Variants in PDGFC observed in about 807,000 individuals in gnomAD.
The protein encoded by PDGFC is platelet-derived growth factor C.
In PDGFC, 12 loss-of-function variants were observed where a neutral mutation model predicts 35.5. The ratio of observed to expected loss-of-function variants is 0.34; its 90% CI spans 0.22 to 0.55. The LOEUF is 0.55. Ranked by LOEUF, PDGFC falls within the 20% of genes least tolerant of loss-of-function variation. The probability of loss-of-function intolerance (pLI) is 0.91; values close to 1 mark genes in which losing one functional copy is unlikely to be tolerated. For synonymous variants in PDGFC, 159 were observed against 148.8 expected, an observed-to-expected ratio of 1.07 and a Z score of -0.50; for missense variants, 322 against 412.4, an observed-to-expected ratio of 0.78 and a Z score of 1.90.
intron 5 of PDGFC, among the ~76,000 whole-genome samples, chr4:156,764,463 GAC>G (rs1730464102): frequency 6.6e-6 from 1 of 152,144 alleles, no homozygotes; most frequent in Admixed American, 6.6e-5. Flanking sequence ...CAGAGTAAGT[GAC>G]ACAGCCTTTA....
intron 1 of PDGFC, among the ~76,000 whole-genome samples, chr4:156,970,401 T>C (rs1732563309): frequency 6.6e-6 from 1 of 152,120 alleles, no homozygotes; most frequent in Non-Finnish European, 1.5e-5. Context: ...CCGACCCCCC[T>C]CGCCCTCCCC....
chr4:156,816,947 A>G (rs1732104123), intron 2 of PDGFC, among the ~76,000 whole-genome samples: 2 of 152,184 alleles, frequency 1.3e-5, no homozygotes, highest in Admixed American at 6.5e-5. Context: ...TTAATTTGGT[A>G]ATATTTATTA....
At chr4:156,808,588 C>T (rs1731836250) in intron 3 of PDGFC, among the ~76,000 whole-genome samples, 1 of 151,808 alleles carries the variant, frequency 6.6e-6, no homozygotes, top group Non-Finnish European at 1.5e-5. Flanking sequence ...TTGCTTTAGG[C>T]TTTCATTAAT....
intron 1 of PDGFC, among the ~76,000 whole-genome samples, chr4:156,861,105 G>C (rs1455897022): frequency 6.6e-6 from 1 of 150,914 alleles, no homozygotes; most frequent in African/African-American, 2.5e-5. Flanking sequence ...TAACATGTCA[G>C]AGAATATACA....
At chr4:156,830,583 C>T (rs1728907919) in intron 2 of PDGFC, among the ~76,000 whole-genome samples, 1 of 152,112 alleles carries the variant, frequency 6.6e-6, no homozygotes, top group East Asian at 1.9e-4. Context: ...AATATGATCA[C>T]ATTTTTTGGT....
intron 4 of PDGFC, among the ~76,000 whole-genome samples, chr4:156,771,533 G>A (rs757770830): frequency 6.6e-5 from 10 of 152,130 alleles, no homozygotes; most frequent in Non-Finnish European, 1.5e-4. Context: ...GGACTCAACT[G>A]CCCAGGCACT....
chr4:156,862,245 G>A (rs1044456686), intron 1 of PDGFC, among the ~76,000 whole-genome samples: 4 of 152,162 alleles, frequency 2.6e-5, no homozygotes, highest in Non-Finnish European at 5.9e-5. Flanking sequence ...GAGCTGCACA[G>A]AAGTGTTTGA....
At chr4:156,829,296 C>G (rs2111015368) in intron 2 of PDGFC, among the ~76,000 whole-genome samples, 1 of 152,180 alleles carries the variant, frequency 6.6e-6, no homozygotes, top group African/African-American at 2.4e-5. Flanking sequence ...AGAAGCAAAA[C>G]AAAACAAATA....
At chr4:156,882,535 T>A (rs1730267927) in intron 1 of PDGFC, among the ~76,000 whole-genome samples, 1 of 152,198 alleles carries the variant, frequency 6.6e-6, no homozygotes, top group African/African-American at 2.4e-5. Context: ...CTGTCCTTAA[T>A]ATATAAATAT....
intron 2 of PDGFC, among the ~76,000 whole-genome samples, chr4:156,838,560 T>C (rs894195400): frequency 1.3e-5 from 2 of 152,132 alleles, no homozygotes; most frequent in African/African-American, 4.8e-5. Context: ...ACTAGTAGAA[T>C]GCAAATCTAT....
At chr4:156,854,436 A>G (rs749608171) in intron 1 of PDGFC, among the ~76,000 whole-genome samples, 2 of 152,170 alleles carry the variant, frequency 1.3e-5, no homozygotes, top group Non-Finnish European at 2.9e-5. Context: ...ACATAATTTA[A>G]AGACTGAAAA....
At chr4:156,831,651 C>T (rs1020147276) in intron 2 of PDGFC, among the ~76,000 whole-genome samples, 1 of 151,736 alleles carries the variant, frequency 6.6e-6, no homozygotes, top group Non-Finnish European at 1.5e-5. Context: ...TTCATGTTGG[C>T]CAGGCTGGTC....
At chr4:156,820,282 T>C (rs10011080) in intron 2 of PDGFC, among the ~76,000 whole-genome samples, 9,028 of 152,214 alleles carry the variant, frequency 0.059, 883 homozygotes, top group African/African-American at 0.21. Flanking sequence ...CTACTGTGGG[T>C]AAAAGGCTAG....
chr4:156,833,246 G>A (rs974160176), intron 2 of PDGFC, among the ~76,000 whole-genome samples: 4 of 152,082 alleles, frequency 2.6e-5, no homozygotes, highest in East Asian at 1.9e-4. Context: ...AGATATCTCC[G>A]GCTAGTTAAA....
At chr4:156,805,058 G>C (rs897075638) in intron 3 of PDGFC, among the ~76,000 whole-genome samples, 1 of 151,866 alleles carries the variant, frequency 6.6e-6, no homozygotes, top group African/African-American at 2.4e-5. Flanking sequence ...GGAACAAAAG[G>C]AATCAGTAGA....
chr4:156,863,321 T>C (rs1729762200), intron 1 of PDGFC, among the ~76,000 whole-genome samples: 2 of 152,166 alleles, frequency 1.3e-5, no homozygotes, highest in Non-Finnish European at 2.9e-5. Context: ...GTCTAAATAC[T>C]ATTTTCTTTC....
intron 2 of PDGFC, among the ~76,000 whole-genome samples, chr4:156,828,823 TG>T (rs1221400243): frequency 6.6e-6 from 1 of 152,116 alleles, no homozygotes; most frequent in African/African-American, 2.4e-5. Flanking sequence ...ATCAATCACT[TG>T]GAATACTGTA....
At chr4:156,928,438 C>G (rs1258031783) in intron 1 of PDGFC, among the ~76,000 whole-genome samples, 1 of 152,106 alleles carries the variant, frequency 6.6e-6, no homozygotes, top group Non-Finnish European at 1.5e-5. Context: ...CGTGGGATTA[C>G]TAGCTACTGC....
chr4:156,957,775 C>G (rs1732247031), intron 1 of PDGFC, among the ~76,000 whole-genome samples: 1 of 151,990 alleles, frequency 6.6e-6, no homozygotes, highest in African/African-American at 2.4e-5. Flanking sequence ...AGTCATACAT[C>G]AATGTTCCTC....
Sources: allele counts gnomAD v4.1 joint callset (sites outside exome capture counted in the v4.1 genomes callset), GRCh38; gene constraint gnomAD v4.1.1; transcripts MANE v1.5; gene names NCBI Gene and HGNC (gene_info 2026-07-23, HGNC 2026-07-21).